The following NMT2 variants were observed in gnomAD, a reference collection of about 807,000 sequenced individuals.
NMT2 encodes the protein glycylpeptide N-tetradecanoyltransferase 2.
NMT2 carries 35 observed loss-of-function variants against 65.4 expected under a neutral mutation model. The observed-to-expected ratio is 0.54, with a 90% CI of 0.41 to 0.71. The LOEUF (loss-of-function observed/expected upper bound fraction) is 0.71, where lower values mean the gene tolerates loss of function less well. NMT2 is among the 30% of genes least tolerant of loss of function. The pLI is 0.00. For synonymous variants in NMT2, 226 were observed against 231.8 expected (o/e 0.98, Z 0.23); for missense variants, 489 against 611.3 (o/e 0.80, Z 2.11).
At chr10:15,132,254 C>T (rs1846310834) in intron 6 of NMT2, among the ~76,000 whole-genome samples, 1 of 151,542 alleles carries the variant, frequency 6.6e-6, no homozygotes, top group Non-Finnish European at 1.5e-5. Context: ...AAACCATTGT[C>T]CTTTATTTTT....
intron 1 of NMT2, among the ~76,000 whole-genome samples, chr10:15,163,081 C>G (rs1833256368): frequency 6.6e-6 from 1 of 151,984 alleles, no homozygotes. Flanking sequence ...ATGTCTAGCT[C>G]ATTTTTTATT....
intron 1 of NMT2, among the ~76,000 whole-genome samples, chr10:15,166,763 TC>T (rs1353350128): frequency 2.0e-5 from 3 of 152,194 alleles, no homozygotes; most frequent in Non-Finnish European, 2.9e-5. Context: ...ACTGAAAACT[TC>T]CGAAGGCAGC....
intron 6 of NMT2, among the ~76,000 whole-genome samples, chr10:15,131,631 C>G (rs1462495725): frequency 6.6e-6 from 1 of 152,160 alleles, no homozygotes; most frequent in African/African-American, 2.4e-5. Context: ...ATCTTCAAAT[C>G]CTGTTCCTGG....
At chr10:15,139,881 A>G (rs1589333235) in intron 2 of NMT2, 1 of 68,226 alleles carries the variant, frequency 1.5e-5, no homozygotes, top group South Asian at 3.8e-4. Flanking sequence ...ATATATATAT[A>G]TATATATATA....
intron 1 of NMT2, among the ~76,000 whole-genome samples, chr10:15,159,205 T>C (rs1258999757): frequency 2.6e-5 from 4 of 152,138 alleles, no homozygotes; most frequent in African/African-American, 7.2e-5. Context: ...AGATCCTTTC[T>C]GGAGAATCTG....
chr10:15,106,041 C>G lies in NMT2; in HGVS notation c.*3154G>C, dbSNP rs1342042430. 4 of 405,594 alleles carry G rather than the reference C, an allele frequency of 9.9e-6. No individual in the cohort carries two copies. Among genetic ancestry groups the G allele is most frequent in the Admixed American group, 3.0e-5 (1 of 33,240 alleles). 25.1% of individuals were successfully genotyped at this position (405,594 alleles called of 1,614,324 possible). On this transcript the variant is annotated 3_prime_UTR_variant, in exon 12 of 12. Transcript: ENST00000378165. Reference sequence around the variant, plus strand: ...ATAGAGTCTCACTCTGTTGCCCAGGCTGGAGTGCAGTGGTGTGATCCCGGC... The same window carrying G: ...ATAGAGTCTCACTCTGTTGCCCAGGGTGGAGTGCAGTGGTGTGATCCCGGC...
At chr10:15,119,810 T>A (rs1845864988) in intron 8 of NMT2, among the ~76,000 whole-genome samples, 1 of 152,200 alleles carries the variant, frequency 6.6e-6, no homozygotes, top group Non-Finnish European at 1.5e-5. Context: ...CTACTGCCCA[T>A]GACCCAAACA....
chr10:15,116,943 G>A (rs1260229839), intron 9 of NMT2, among the ~76,000 whole-genome samples: 1 of 152,096 alleles, frequency 6.6e-6, no homozygotes, highest in East Asian at 1.9e-4. Flanking sequence ...AAAAGAAACA[G>A]CTAAGCTCAG....
chr10:15,156,845 G>A (rs1408780567), intron 1 of NMT2, among the ~76,000 whole-genome samples: 3 of 151,794 alleles, frequency 2.0e-5, no homozygotes, highest in South Asian at 4.2e-4. Flanking sequence ...GCAGTGAGCC[G>A]AGATTGCGCC....
At chr10:15,148,089 TA>T (rs1051297684) in intron 1 of NMT2, among the ~76,000 whole-genome samples, 1 of 152,184 alleles carries the variant, frequency 6.6e-6, no homozygotes, top group African/African-American at 2.4e-5. Flanking sequence ...CTGCAGGCAT[TA>T]AGTAGAGTTT....
At chr10:15,152,049 G>A (rs7896752) in intron 1 of NMT2, among the ~76,000 whole-genome samples, 10,159 of 152,170 alleles carry the variant, frequency 0.067, 572 homozygotes, top group African/African-American at 0.16. Flanking sequence ...AAACAAAACA[G>A]AAGTTGTAAT....
chr10:15,163,750 C>A (rs959365805), intron 1 of NMT2, among the ~76,000 whole-genome samples: 20 of 152,176 alleles, frequency 1.3e-4, no homozygotes, highest in African/African-American at 4.6e-4. Context: ...ACATAGTGCC[C>A]AAAGAAGAAC....
intron 1 of NMT2, among the ~76,000 whole-genome samples, chr10:15,155,587 T>A (rs565229494): frequency 2.7e-4 from 35 of 129,468 alleles, no homozygotes; most frequent in Non-Finnish European, 4.7e-4. Context: ...CTTGCTATAT[T>A]ACCCAGACTG....
At chr10:15,128,524 T>G (rs911221039) in intron 7 of NMT2, 66 bp from the exon 8 acceptor site, 2 of 1,000,968 alleles carry the variant, frequency 2.0e-6, no homozygotes, top group Non-Finnish European at 3.1e-6. Context: ...ACTCTTTGTC[T>G]CAGCTTGGCT....
At chr10:15,109,602 AC>A in intron 11 of NMT2, 99 bp downstream of exon 11, 1 of 916,968 alleles carries the variant, frequency 1.1e-6, no homozygotes, top group Non-Finnish European at 1.5e-6. Context: ...AATAAAATGA[AC>A]AAAAATAAAA....
chr10:15,113,074 C>T, intron 9 of NMT2, 111 bp from the exon 10 acceptor site: 1 of 1,146,066 alleles, frequency 8.7e-7, no homozygotes, highest in Non-Finnish European at 1.3e-6. Context: ...CAGTAAGTCA[C>T]ACTTCTTTCT....
At chr10:15,130,786 CTTTTTTTTTTTT>C (rs765987022) in intron 6 of NMT2, among the ~76,000 whole-genome samples, 19 of 101,206 alleles carry the variant, frequency 1.9e-4, no homozygotes, top group Admixed American at 6.3e-4. Flanking sequence ...TTCTTTCTTT[CTTTTTTTTTTTT>C]TTTTTTTTTG....
intron 8 of NMT2, among the ~76,000 whole-genome samples, chr10:15,120,669 A>G (rs1216680097): frequency 2.6e-5 from 4 of 152,198 alleles, no homozygotes; most frequent in Admixed American, 6.6e-5. Flanking sequence ...TTATTATGCA[A>G]TAGCCCATTA....
chr10:15,127,403 C>T (rs1194807789), intron 8 of NMT2, among the ~76,000 whole-genome samples: 19 of 149,188 alleles, frequency 1.3e-4, no homozygotes, highest in Admixed American at 1.1e-3. Context: ...AAAAATTAGC[C>T]GGGCATGCTG....
Sources: gnomAD v4.1 joint callset for allele counts (sites outside exome capture counted in the v4.1 genomes callset) on GRCh38, gnomAD v4.1.1 for gene constraint, MANE v1.5 for transcripts, NCBI Gene and HGNC (gene_info 2026-07-23, HGNC 2026-07-21) for gene names.